Variants in TANGO6 observed in about 807,000 individuals in gnomAD.
TANGO6 encodes transport and golgi organization 6 homolog.
A neutral mutation model predicts 114.2 loss-of-function variants in TANGO6; 90 were observed. The observed-to-expected ratio is 0.79, with a 90% CI of 0.66 to 0.94. The LOEUF is 0.94. Among genes scored for constraint, TANGO6 ranks in the 40% least tolerant of loss-of-function variants. The pLI, the probability that TANGO6 is intolerant of heterozygous loss-of-function variation, is 0.00. For synonymous variants in TANGO6, 477 were observed against 509.8 expected, an observed-to-expected ratio of 0.94 and a Z score of 0.87; for missense variants, 1,274 against 1,315.3, an observed-to-expected ratio of 0.97 and a Z score of 0.49.
chr16:68,935,153 T>C (rs1402369482), intron 14 of TANGO6, among the ~76,000 whole-genome samples: 2 of 152,200 alleles, frequency 1.3e-5, no homozygotes, highest in African/African-American at 4.8e-5. Flanking sequence ...CCTAAAGCAC[T>C]ACAGGAACAA....
intron 14 of TANGO6, among the ~76,000 whole-genome samples, chr16:68,961,838 A>G (rs1198363372): frequency 1.3e-5 from 2 of 152,250 alleles, no homozygotes; most frequent in South Asian, 2.1e-4. Flanking sequence ...GCTGATTAAG[A>G]TAATCACCAA....
intron 7 of TANGO6, among the ~76,000 whole-genome samples, chr16:68,893,926 C>CA (rs1482797202): frequency 1.3e-5 from 2 of 152,096 alleles, no homozygotes; most frequent in African/African-American, 4.8e-5. Flanking sequence ...GGAAATCACA[C>CA]AACACCCAGG....
intron 14 of TANGO6, among the ~76,000 whole-genome samples, chr16:68,946,639 C>T (rs557987903): frequency 6.6e-6 from 1 of 152,170 alleles, no homozygotes; most frequent in Admixed American, 6.5e-5. Flanking sequence ...GTAGCCAGGA[C>T]TACAGGTGCA....
intron 1 of TANGO6, chr16:68,846,670 T>TC (rs1412921433): frequency 8.0e-6 from 1 of 125,152 alleles, no homozygotes; most frequent in Non-Finnish European, 1.8e-5. Flanking sequence ...TAATTTTCTT[T>TC]TTTTTTTTTT....
chr16:68,953,967 C>T (rs1271851430), intron 14 of TANGO6, among the ~76,000 whole-genome samples: 1 of 152,070 alleles, frequency 6.6e-6, no homozygotes, highest in East Asian at 1.9e-4. Context: ...AGACCAGGCA[C>T]AGTGGCTCAT....
rs559076617 is a variant in TANGO6, at chr16:68,870,244, C to T, written c.994+3024C>T. ...AAGGAGGAGAGTTGCCAAAACTTAA[C>T]GAAGGGCTGGATATGTGGGGAAGAA... On this transcript the variant is annotated intron_variant, in intron 4 of 17. Coordinates refer to ENST00000261778, the MANE Select transcript of TANGO6 (RefSeq NM_024562.2). Among the ~76,000 whole-genome samples the T allele has an allele frequency of 1.9e-4, 29 of 152,156 alleles. No homozygotes were observed. The Middle Eastern group carries it at 0.01, about 54-fold the overall frequency.
intron 2 of TANGO6, among the ~76,000 whole-genome samples, 157 bp downstream of exon 2, chr16:68,860,681 G>A (rs1236315016): frequency 6.6e-6 from 1 of 152,124 alleles, no homozygotes; most frequent in East Asian, 1.9e-4. Context: ...GGGGGTGGGC[G>A]CAAGTTTCAT....
At chr16:69,072,133 G>A in intron 17 of TANGO6, among the ~76,000 whole-genome samples, 1 of 150,410 alleles carries the variant, frequency 6.6e-6, no homozygotes, top group African/African-American at 2.5e-5. Context: ...GTGTGTGTGT[G>A]TGTGTGTGTG....
intron 15 of TANGO6, among the ~76,000 whole-genome samples, chr16:68,994,459 T>A (rs1196122053): frequency 5.9e-5 from 9 of 152,206 alleles, no homozygotes; most frequent in African/African-American, 2.2e-4. Flanking sequence ...ATTTCAGACA[T>A]TGCCCTACCT....
At chr16:68,960,505 T>C (rs151038079) in intron 14 of TANGO6, among the ~76,000 whole-genome samples, 33 of 151,910 alleles carry the variant, frequency 2.2e-4, no homozygotes, top group Middle Eastern at 3.4e-3. Flanking sequence ...ATTATTCTTA[T>C]TTATTTATTT....
chr16:68,859,861 C>T, intron 1 of TANGO6, 23 bp from the exon 2 acceptor site: 1 of 1,534,946 alleles, frequency 6.5e-7, no homozygotes, highest in South Asian at 1.3e-5. Flanking sequence ...TGTATAAACT[C>T]TCCTTTTTTT....
At chr16:69,015,257 G>A (rs369334017) in intron 15 of TANGO6, among the ~76,000 whole-genome samples, 1 of 152,124 alleles carries the variant, frequency 6.6e-6, no homozygotes, top group African/African-American at 2.4e-5. Flanking sequence ...GGAGGCAGGG[G>A]CCCTTTGAGA....
At chr16:69,014,602 A>G (rs1325733887) in intron 15 of TANGO6, among the ~76,000 whole-genome samples, 4 of 152,148 alleles carry the variant, frequency 2.6e-5, no homozygotes, top group African/African-American at 7.2e-5. Context: ...TAAAGCTCAA[A>G]TTAACCCCTG....
chr16:68,953,050 T>TTATTATTATTATTA (rs1555525238), intron 14 of TANGO6, among the ~76,000 whole-genome samples: 1 of 139,214 alleles, frequency 7.2e-6, no homozygotes, highest in African/African-American at 2.6e-5. Flanking sequence ...ACAGGTATTT[T>TTATTATTATTATTA]TTATTATTAT....
chr16:68,845,966 C>A (rs934536486), intron 1 of TANGO6, among the ~76,000 whole-genome samples: 32 of 152,060 alleles, frequency 2.1e-4, no homozygotes, highest in African/African-American at 6.8e-4. Context: ...AATTCTCATG[C>A]CTCAGCCTCC....
At position 68,891,420 on chromosome 16, in the gene TANGO6, A is replaced by T. The variant is rs1018935119; in HGVS notation, c.1378-9014A>T. 2.6e-4 allele frequency among the ~76,000 whole-genome samples: 39 copies of T among 152,294 alleles called. 1 individual carries two copies. Among genetic ancestry groups the T allele is most frequent in the African/African-American group, 8.9e-4 (37 of 41,566 alleles). On this transcript the variant is annotated intron_variant, in intron 7 of 17. Coordinates refer to ENST00000261778, the MANE Select transcript of TANGO6 (RefSeq NM_024562.2). ...GGTTGCAGTGAGCCAAGATTGCACC[A>T]CTTCTTTCCAACCTGGGTGACAGAG... is the stretch of plus-strand genomic sequence containing the variant.
At chr16:69,082,743 C>CAA (rs530952694) in intron 17 of TANGO6, among the ~76,000 whole-genome samples, 1 of 135,616 alleles carries the variant, frequency 7.4e-6, no homozygotes, top group Non-Finnish European at 1.6e-5. Context: ...GACTCCGTCT[C>CAA]AAAAAAAAAA....
rs1411067964 is a variant in TANGO6 at position 68,919,103 on chromosome 16, G to A, written c.2011G>A (p.Ala671Thr). The A allele has an allele frequency of 6.2e-7, 1 of 1,612,788 alleles. No individual in the cohort carries two copies. Among genetic ancestry groups the A allele is most frequent in the Non-Finnish European group, 8.5e-7 (1 of 1,179,428 alleles). ...TGGGTAGGTGGTGGACTTTGTAGCA[G>A]CAACATTGCAGAGAGCCTGTGCAAG... ...NVTQVVDFVA[A>T]TLQRACASLA... is the part of the protein sequence containing the mutation. The change falls in exon 12 of 18, where the codon GCA (alanine) becomes ACA (threonine). Residue 671 changes from alanine to threonine, a missense_variant. By Grantham distance (58) the Ala-to-Thr change is moderately conservative. Coordinates refer to ENST00000261778, the MANE Select transcript of TANGO6 (RefSeq NM_024562.2).
chr16:68,880,161 A>T (rs555040456), intron 6 of TANGO6, among the ~76,000 whole-genome samples: 54 of 151,694 alleles, frequency 3.6e-4, no homozygotes, highest in African/African-American at 1.0e-3. Context: ...TTTAGTAGAG[A>T]TGGGGTTTCA....
Sources: gnomAD v4.1 joint callset for allele counts (sites outside exome capture counted in the v4.1 genomes callset) on GRCh38, gnomAD v4.1.1 for gene constraint, MANE v1.5 for transcripts, NCBI Gene and HGNC (gene_info 2026-07-23, HGNC 2026-07-21) for gene names.